BOD1L1: variants seen among roughly 807,000 people sequenced by gnomAD.
BOD1L1 encodes the protein biorientation of chromosomes in cell division protein 1-like 1.
Under a neutral mutation model 240.7 loss-of-function variants are expected in BOD1L1, and 86 were observed. That is an observed-to-expected ratio of 0.36 (90% CI 0.30 to 0.43). The LOEUF (loss-of-function observed/expected upper bound fraction) is 0.43. Ranked by LOEUF, BOD1L1 falls within the 20% of genes least tolerant of loss-of-function variation. The pLI, the probability that BOD1L1 is intolerant of heterozygous loss-of-function variation, is 1.00. For synonymous variants in BOD1L1, 1,268 were observed against 1,272.3 expected (o/e 1.00, Z 0.07); for missense variants, 3,554 against 3,643.5 (o/e 0.98, Z 0.63).
At position 13,608,527 on chromosome 4, in the gene BOD1L1, T is replaced by C; in HGVS notation, c.1742+3A>G. On this transcript the variant is annotated splice_donor_region_variant and intron_variant, in intron 8 of 25. Transcript: ENST00000040738. ...GGGAAACATGACCAGATAAAATATG[T>C]ACCTTGAATCTTTTTTTCTCTTTTT... The C allele has an allele frequency of 1.3e-6, 2 of 1,532,572 alleles. No homozygotes were observed. The highest frequency in any genetic ancestry group is 1.7e-6 in the Non-Finnish European group (2 of 1,144,172). 94.9% of individuals were successfully genotyped at this position (1,532,572 alleles called of 1,614,324 possible).
rs1305047761 is a variant in BOD1L1, at chr4:13,603,821, G to C, written c.3079C>G (p.His1027Asp). The C allele has an allele frequency of 1.2e-6, 2 of 1,613,212 alleles. No individual in the cohort carries two copies. The highest frequency in any genetic ancestry group is 1.7e-6 in the Non-Finnish European group (2 of 1,179,828). Residue 1027 changes from histidine (H) to aspartate (D), a missense_variant, in exon 10 of 26, where the codon CAT becomes GAT. Around this residue, in one of 2 missense-constraint regions of BOD1L1, gnomAD observed 3,393 missense variants for 3,427.1 expected, o/e 0.99. Transcript: ENST00000040738. ...TTCTTTTTTATGTCTTTACTACTAT[G>C]CTTTAAGCTTCTGCTTTTGTGGCCA... ...SDGHKSRSLK[H>D]SSKDIKKKDE...
intron 2 of BOD1L1, 84 bp from the exon 3 acceptor site, chr4:13,615,586 G>C: frequency 8.1e-7 from 1 of 1,238,084 alleles, no homozygotes; most frequent in Non-Finnish European, 1.1e-6. Flanking sequence ...TCTACAATCT[G>C]TCATCTATCT....
At chr4:13,573,645 G>C (rs766846876) in intron 25 of BOD1L1, among the ~76,000 whole-genome samples, 5 of 151,718 alleles carry the variant, frequency 3.3e-5, no homozygotes, top group Non-Finnish European at 7.4e-5. Context: ...TGCCTCAGCT[G>C]CCCAAGTAGC....
At position 13,613,689 on chromosome 4, in the gene BOD1L1, A is replaced by C. The variant is rs762684495; in HGVS notation, c.1175-28T>G. 4.7e-6 allele frequency: 7 copies of C among 1,476,760 alleles called. No homozygotes were observed. Among genetic ancestry groups the C allele is most frequent in the Non-Finnish European group, 6.4e-6 (7 of 1,100,204 alleles). 91.5% of individuals were successfully genotyped at this position (1,476,760 alleles called of 1,614,324 possible). ...TCAAGCGGAAAATAAAACACAGAAA[A>C]AAAAATCATCTTATTATAAGAACAT... is the stretch of plus-strand genomic sequence containing the variant. On this transcript the variant is annotated intron_variant, in intron 4 of 25. Coordinates refer to ENST00000040738, the MANE Select transcript of BOD1L1 (RefSeq NM_148894.3). This position sits in a 1 kb window ranked among gnomAD's most constrained non-coding sequence, Gnocchi z 4.0.
chr4:13,592,162 A>C (rs1714269434), intron 12 of BOD1L1, 196 bp from the exon 13 acceptor site: 2 of 513,876 alleles, frequency 3.9e-6, no homozygotes, highest in African/African-American at 3.9e-5. Context: ...ATACTACCAG[A>C]AAAAGACAAC....
rs1714260536 is a variant in BOD1L1 at position 13,592,042 on chromosome 4, T to G, written c.8105-76A>C. On this transcript the variant is annotated intron_variant, in intron 12 of 25. Transcript: ENST00000040738. ...ATGCAGAGAAACAAATTTGAAGATT[T>G]TTAGGATAGGGAACCTATCCTATGT... 10 of 1,165,272 alleles carry G rather than the reference T, an allele frequency of 8.6e-6. No homozygotes were observed. The East Asian group carries it at 2.6e-4, about 30-fold the overall frequency. The allele number at this position is 1,165,272 out of a possible 1,614,324, so 72.2% of individuals were successfully genotyped here. A position where few individuals can be genotyped will look rare whatever the true frequency, so the allele number is the denominator to read the frequency against.
intron 15 of BOD1L1, 118 bp downstream of exon 15, chr4:13,588,604 G>A (rs1326080433): frequency 1.3e-6 from 1 of 763,840 alleles, no homozygotes; most frequent in African/African-American, 1.8e-5. Flanking sequence ...GGAACTCTCA[G>A]TATACCCATT....
Position 13,581,038 on chromosome 4 carries a change from T to G in BOD1L1, c.8685A>C (p.Thr2895=), listed in dbSNP as rs1316623467. The change falls in exon 21 of 26, where the codon ACA becomes ACC. Residue 2895 remains threonine, a synonymous_variant. Coordinates refer to ENST00000040738, the MANE Select transcript of BOD1L1 (RefSeq NM_148894.3). ...TTLKMKDDSK[T]DTGIVTVEQS... ...TACTTACAGTGACAATGCCAGTATCTGTTTTGGAGTCGTCTTCTAAAAAAA... is the reference window on the plus strand; with the variant it reads ...TACTTACAGTGACAATGCCAGTATCGGTTTTGGAGTCGTCTTCTAAAAAAA... The G allele has an allele frequency of 6.4e-7, 1 of 1,574,050 alleles. No homozygotes were observed. Among genetic ancestry groups the G allele is most frequent in the East Asian group, 2.3e-5 (1 of 43,736 alleles).
chr4:13,596,015 TAAAC>T, intron 11 of BOD1L1, 71 bp from the exon 12 acceptor site: 1 of 1,278,060 alleles, frequency 7.8e-7, no homozygotes, highest in Non-Finnish European at 1.1e-6. Flanking sequence ...TCAAGTGAAT[TAAAC>T]AAAAAAAAAC....
intron 18 of BOD1L1, 27 bp from the exon 19 acceptor site, chr4:13,582,337 A>G (rs1713299087): frequency 6.3e-7 from 1 of 1,589,394 alleles, no homozygotes; most frequent in Non-Finnish European, 8.6e-7. Flanking sequence ...ACTTTGTTCA[A>G]TGCTAGTGAC....
Position 13,599,499 on chromosome 4 carries a change from G to T in BOD1L1, c.7401C>A (p.Asn2467Lys). Residue 2467 changes from asparagine (N) to lysine (K), a missense_variant, in exon 10 of 26, where the codon AAC (asparagine) becomes AAA (lysine). Coordinates refer to ENST00000040738, the MANE Select transcript of BOD1L1 (RefSeq NM_148894.3). ...GGCTCTTATCTTCTTTCTGAAGGGA[G>T]TTCAACAATACATTCTTCTCTTCTG... ...INAEEKNVLLNSLQKEDKSPE... is the reference protein window; with the variant it reads ...INAEEKNVLLKSLQKEDKSPE... 1.2e-6 allele frequency: 2 copies of T among 1,614,014 alleles called. No individual in the cohort carries two copies. The highest frequency in any genetic ancestry group is 2.7e-5 in the African/African-American group (2 of 75,054).
Position 13,627,451 on chromosome 4 carries a change from G to C in BOD1L1, c.137C>G (p.Ala46Gly). The C allele has an allele frequency of 8.2e-7, 1 of 1,217,140 alleles. No individual in the cohort carries two copies. Among genetic ancestry groups the C allele is most frequent in the Non-Finnish European group, 1.0e-6 (1 of 966,502 alleles). 75.4% of individuals were successfully genotyped at this position (1,217,140 alleles called of 1,614,324 possible). ...CACGAGCTGCGGGTCCCCGGCGCCCGCACCCGCGCCGCCCGCCCCGCCCGC... is the reference window on the plus strand; with the variant it reads ...CACGAGCTGCGGGTCCCCGGCGCCCCCACCCGCGCCGCCCGCCCCGCCCGC... ...PGAGGAGGAG[A>G]GAGDPQLVAM... Residue 46 changes from alanine (A) to glycine (G), a missense_variant, in exon 1 of 26, where the codon GCG (alanine) becomes GGG (glycine). Coordinates refer to ENST00000040738, the MANE Select transcript of BOD1L1 (RefSeq NM_148894.3).
Position 13,603,897 on chromosome 4 carries a change from A to G in BOD1L1, c.3003T>C (p.Tyr1001=), listed in dbSNP as rs761367369. 2.5e-6 allele frequency: 4 copies of G among 1,613,768 alleles called. No homozygotes were observed. Among genetic ancestry groups the G allele is most frequent in the Non-Finnish European group, 3.4e-6 (4 of 1,179,884 alleles). The change falls in exon 10 of 26, where the codon TAT becomes TAC. Residue 1001 remains tyrosine, a synonymous_variant. Coordinates refer to ENST00000040738, the MANE Select transcript of BOD1L1 (RefSeq NM_148894.3). The part of the protein sequence containing the change: ...RAKLPLAKEK[Y]KSDKDSTSTR... ...TGGAAGTGGAGTCTTTATCACTCTTATATTTCTCCTTTGCTAATGGTAACT... is the reference window on the plus strand; with the variant it reads ...TGGAAGTGGAGTCTTTATCACTCTTGTATTTCTCCTTTGCTAATGGTAACT...
In BOD1L1 at chr4:13,582,662, C is replaced by T; in HGVS notation, c.8508G>A (p.Met2836Ile). ...SETNSTTSRV[M>I]EEKDEYSSSE... ...AGATATTTTACTCACCTTTTTCTTC[C>T]ATGACCCTTGAGGTAGTGCTATTTG... The change falls in exon 18 of 26, where the codon ATG becomes ATA. Residue 2836 changes from methionine (M) to isoleucine (I), a missense_variant. By Grantham distance (10) the Met-to-Ile change is conservative. Coordinates refer to ENST00000040738, the MANE Select transcript of BOD1L1 (RefSeq NM_148894.3). 1 of 1,611,208 alleles carries T rather than the reference C, an allele frequency of 6.2e-7. No individual in the cohort carries two copies. Among genetic ancestry groups the T allele is most frequent in the Non-Finnish European group, 8.5e-7 (1 of 1,177,620 alleles).
Position 13,615,349 on chromosome 4 carries a change from G to C in BOD1L1, c.522C>G (p.Pro174=). The part of the protein sequence containing the change: ...HKEEGSGNTA[P]DDEKPDTSLI... ...GGGAAGTGTCTGGTTTCTCATCATCGGGAGCTGTGTTGCCACTTCCTTCCT... is the reference window on the plus strand; with the variant it reads ...GGGAAGTGTCTGGTTTCTCATCATCCGGAGCTGTGTTGCCACTTCCTTCCT... The change falls in exon 3 of 26, where the codon CCC becomes CCG. Residue 174 remains proline (P), a synonymous_variant. Transcript: ENST00000040738. 6.2e-7 allele frequency: 1 copy of C among 1,612,770 alleles called. No individual in the cohort carries two copies. Among genetic ancestry groups the C allele is most frequent in the Non-Finnish European group, 8.5e-7 (1 of 1,179,324 alleles).
At chr4:13,620,099 A>G (rs1244107143) in intron 1 of BOD1L1, 32 bp from the exon 2 acceptor site, 1 of 1,565,024 alleles carries the variant, frequency 6.4e-7, no homozygotes, top group African/African-American at 1.4e-5. Flanking sequence ...TAAGTCTTCA[A>G]GGTTATACAG....
Position 13,607,195 on chromosome 4 carries a change from G to A in BOD1L1, c.1743-6C>T, listed in dbSNP as rs779183290. The A allele has an allele frequency of 2.6e-6, 4 of 1,545,876 alleles. No homozygotes were observed. Among genetic ancestry groups the A allele is most frequent in the East Asian group, 2.5e-5 (1 of 40,542 alleles). ...TGGAGTTCTCTTCAACATTCCTAAG[G>A]GGGAAAGAGTCAAATATAAAGCATG... On this transcript the variant is annotated splice_polypyrimidine_tract_variant and splice_region_variant and intron_variant, in intron 8 of 25. Transcript: ENST00000040738.
In BOD1L1 at chr4:13,603,484, T is replaced by C; in HGVS notation, c.3416A>G (p.Asp1139Gly). ...TTGCTGAGAATTATTATTGCGGTTGTCTTGGGTTTTAGATACTTCAAACAC... is the reference window on the plus strand; with the variant it reads ...TTGCTGAGAATTATTATTGCGGTTGCCTTGGGTTTTAGATACTTCAAACAC... Reference protein sequence around the residue: ...ENVFEVSKTQDNRNNNSQQDI... With the variant: ...ENVFEVSKTQGNRNNNSQQDI... Residue 1139 changes from aspartate (D) to glycine (G), a missense_variant, in exon 10 of 26, where the codon GAC (aspartate) becomes GGC (glycine). Asp to Gly is a moderately conservative substitution (Grantham distance 94). Coordinates refer to ENST00000040738, the MANE Select transcript of BOD1L1 (RefSeq NM_148894.3). 1 of 1,613,978 alleles carries C rather than the reference T, an allele frequency of 6.2e-7. No homozygotes were observed. The highest frequency in any genetic ancestry group is 8.5e-7 in the Non-Finnish European group (1 of 1,179,882).
At chr4:13,593,504 T>C (rs1714383518) in intron 12 of BOD1L1, 1 of 152,066 alleles carries the variant, frequency 6.6e-6, no homozygotes, top group Admixed American at 6.5e-5. Flanking sequence ...TGGTTACTCA[T>C]AGGGAGTGGG....
Sources: allele counts gnomAD v4.1 joint callset (sites outside exome capture counted in the v4.1 genomes callset), GRCh38; gene constraint gnomAD v4.1.1; regional missense constraint gnomAD v4.1.1; non-coding constraint Gnocchi (gnomAD v3.1); transcripts MANE v1.5; gene names NCBI Gene and HGNC (gene_info 2026-07-23, HGNC 2026-07-21).